Variants in COL25A1 observed in about 807,000 individuals in gnomAD.
COL25A1 encodes collagen alpha-1(XXV) chain.
Under a neutral mutation model 128.4 loss-of-function variants are expected in COL25A1, and 103 were observed. The ratio of observed to expected loss-of-function variants is 0.80; its 90% CI spans 0.68 to 0.94. COL25A1 has a LOEUF of 0.94. Among genes scored for constraint, COL25A1 ranks in the 40% least tolerant of loss-of-function variants. The pLI is 0.00. For missense variants in COL25A1, 745 were observed against 840.0 expected, an observed-to-expected ratio of 0.89 and a Z score of 1.40; for synonymous variants, 279 against 277.2, an observed-to-expected ratio of 1.01 and a Z score of -0.06.
At chr4:109,048,272 C>T in intron 4 of COL25A1, 97 bp from the exon 5 acceptor site, 1 of 1,202,436 alleles carries the variant, frequency 8.3e-7, no homozygotes, top group African/African-American at 1.5e-5. Flanking sequence ...TAATCATCAG[C>T]ATGACATAAT....
chr4:109,256,678 C>T (rs1342363970), intron 3 of COL25A1, among the ~76,000 whole-genome samples: 1 of 151,974 alleles, frequency 6.6e-6, no homozygotes, highest in Non-Finnish European at 1.5e-5. Context: ...GTGAAAATAC[C>T]GGGTATTAAA....
At chr4:109,198,141 C>T (rs1247917766) in intron 3 of COL25A1, among the ~76,000 whole-genome samples, 3 of 152,048 alleles carry the variant, frequency 2.0e-5, no homozygotes, top group Non-Finnish European at 4.4e-5. Flanking sequence ...CAAAGATGAG[C>T]GTGTGGCTCT....
chr4:109,062,334 TTAAC>T (rs1440511663), intron 3 of COL25A1, among the ~76,000 whole-genome samples: 2 of 152,210 alleles, frequency 1.3e-5, no homozygotes, highest in Non-Finnish European at 2.9e-5. Flanking sequence ...ATTTTGCAAC[TTAAC>T]TATCATAAGG....
rs756181534 is a variant in COL25A1, at chr4:109,301,806, C to A, written c.214G>T (p.Ala72Ser). 19 of 1,614,246 alleles carry A rather than the reference C, an allele frequency of 1.2e-5. No individual in the cohort carries two copies. In the South Asian group the frequency reaches 2.0e-4, roughly 17 times the overall value. The change falls in exon 2 of 38, where the codon GCC becomes TCC. Residue 72 changes from alanine to serine, a missense_variant. Around this residue, in one of 3 missense-constraint regions of COL25A1, gnomAD observed 319 missense variants for 324.9 expected, o/e 0.98. Coordinates refer to ENST00000399132, the MANE Select transcript of COL25A1 (RefSeq NM_198721.4). The stretch of plus-strand genomic sequence containing the variant: ...TCAGGCAGCAGATGAATGGAAGGGG[C>A]CCCTTTGGCGGATTCGAGAGCGGCG... ...RIAALESAKG[A>S]PSIHLLPDTL...
At chr4:108,872,074 ATTAT>A (rs1302610413) in intron 19 of COL25A1, among the ~76,000 whole-genome samples, 1 of 152,224 alleles carries the variant, frequency 6.6e-6, no homozygotes, top group African/African-American at 2.4e-5. Flanking sequence ...ACACGAAGAC[ATTAT>A]TTGCCTTTTT....
At chr4:108,838,082 A>C (rs1421622249) in intron 31 of COL25A1, 1 of 1,532,268 alleles carries the variant, frequency 6.5e-7, no homozygotes, top group South Asian at 1.2e-5. Flanking sequence ...TAAAATGGAA[A>C]GTTTTCTTTA....
chr4:109,273,578 A>C (rs1782342923), intron 3 of COL25A1, among the ~76,000 whole-genome samples: 1 of 152,194 alleles, frequency 6.6e-6, no homozygotes, highest in Non-Finnish European at 1.5e-5. Flanking sequence ...TTCTGAATAG[A>C]TATAATTAGT....
intron 3 of COL25A1, among the ~76,000 whole-genome samples, chr4:109,258,123 C>A (rs1781194065): frequency 6.6e-6 from 1 of 152,178 alleles, no homozygotes; most frequent in African/African-American, 2.4e-5. Flanking sequence ...ATCTCAGACT[C>A]ATCATTTCAC....
chr4:109,027,400 A>G (rs1758402104), intron 5 of COL25A1, among the ~76,000 whole-genome samples: 1 of 151,948 alleles, frequency 6.6e-6, no homozygotes, highest in Admixed American at 6.6e-5. Flanking sequence ...GAGTGAGGAA[A>G]AAGAGTAAGG....
chr4:108,882,470 T>G (rs1344416913), intron 19 of COL25A1, among the ~76,000 whole-genome samples: 2 of 152,158 alleles, frequency 1.3e-5, no homozygotes, highest in Non-Finnish European at 2.9e-5. Flanking sequence ...TCCCCTTTAT[T>G]TATAATGCTA....
chr4:109,281,409 CAAAAA>C (rs59962160), intron 3 of COL25A1, among the ~76,000 whole-genome samples: 1 of 102,254 alleles, frequency 9.8e-6, no homozygotes, highest in African/African-American at 3.3e-5. Flanking sequence ...CTTAAAATGG[CAAAAA>C]AAAAAAAAAA....
chr4:109,287,956 A>G (rs1284189865), intron 3 of COL25A1, among the ~76,000 whole-genome samples: 1 of 152,222 alleles, frequency 6.6e-6, no homozygotes, highest in Non-Finnish European at 1.5e-5. Context: ...ATTAAAAACA[A>G]TGTTGTCTGA....
rs143722195 is a variant in COL25A1 at position 109,150,070 on chromosome 4, T to G, written c.368-99891A>C. Among the ~76,000 whole-genome samples the G allele has an allele frequency of 5.7e-3, 859 of 151,810 alleles. 11 individuals carry two copies. The highest frequency in any genetic ancestry group is 0.02 in the African/African-American group (813 of 41,430). On this transcript the variant is annotated intron_variant, in intron 3 of 37. Transcript: ENST00000399132. ...TATGTGTGAGTATGTATGCAGTGTG[T>G]ATGTGTGTTTGTATGTCTGTATGTG... is the stretch of plus-strand genomic sequence containing the variant.
Position 108,811,840 on chromosome 4 carries a change from AAAG to A in COL25A1, c.*2084_*2086del, listed in dbSNP as rs1371852472. ...CAACCTTAAAAATTTAATAGAAAAA[AAAG>A]AAGATGCCATTTTGTATGACTGTCA... On this transcript the variant is annotated 3_prime_UTR_variant, in exon 38 of 38. Coordinates refer to ENST00000399132, the MANE Select transcript of COL25A1 (RefSeq NM_198721.4). 3.3e-5 allele frequency: 5 copies of A among 152,182 alleles called. No individual in the cohort carries two copies. The highest frequency in any genetic ancestry group is 7.2e-5 in the African/African-American group (3 of 41,458). The allele number at this position is 152,182 out of a possible 1,614,324, so 9.4% of individuals were successfully genotyped here. A position where few individuals can be genotyped will look rare whatever the true frequency, so the allele number is the denominator to read the frequency against.
chr4:109,112,219 C>T (rs576192675), intron 3 of COL25A1, among the ~76,000 whole-genome samples: 2 of 152,180 alleles, frequency 1.3e-5, no homozygotes, highest in Non-Finnish European at 2.9e-5. Flanking sequence ...AGGAGATCTT[C>T]GGGATATTTA....
At chr4:108,824,147 A>G in intron 35 of COL25A1, 27 bp downstream of exon 35, 1 of 1,614,092 alleles carries the variant, frequency 6.2e-7, no homozygotes, top group Non-Finnish European at 8.5e-7. Context: ...GAATCAAACA[A>G]GGTACATGCT....
At chr4:108,870,139 C>A (rs533472306) in intron 19 of COL25A1, among the ~76,000 whole-genome samples, 2 of 151,954 alleles carry the variant, frequency 1.3e-5, no homozygotes, top group African/African-American at 4.8e-5. Context: ...GCCTGTCGTC[C>A]CAGCTACTTA....
At chr4:108,982,049 C>T (rs1415221112) in intron 6 of COL25A1, among the ~76,000 whole-genome samples, 1 of 151,682 alleles carries the variant, frequency 6.6e-6, no homozygotes, top group Non-Finnish European at 1.5e-5. Context: ...CAAAAATTAG[C>T]CAGGCGTGGT....
intron 3 of COL25A1, among the ~76,000 whole-genome samples, chr4:109,273,879 C>A (rs113047480): frequency 3.3e-5 from 5 of 152,190 alleles, no homozygotes; most frequent in African/African-American, 1.2e-4. Flanking sequence ...AATATGAGAT[C>A]AATTATAAAC....
Sources: allele counts gnomAD v4.1 joint callset (sites outside exome capture counted in the v4.1 genomes callset), GRCh38; gene constraint gnomAD v4.1.1; regional missense constraint gnomAD v4.1.1; transcripts MANE v1.5; gene names NCBI Gene and HGNC (gene_info 2026-07-23, HGNC 2026-07-21).